Variants in ADIG observed in about 807,000 individuals in gnomAD.
The protein encoded by ADIG is adipogenesis associated.
In ADIG, 12 loss-of-function variants were observed where a neutral mutation model predicts 10.7. That is an observed-to-expected ratio of 1.12 (90% CI 0.72 to 1.82). The LOEUF is 1.82. ADIG is among the 40% of genes most tolerant of loss of function. ADIG has a pLI of 0.00. For synonymous variants in ADIG, 32 were observed against 35.6 expected (o/e 0.90, Z 0.36); for missense variants, 72 against 92.5 (o/e 0.78, Z 0.91).
chr20:38,585,720 C>CT lies in ADIG; in HGVS notation c.125-308dup, dbSNP rs2088630324. 1.6e-5 allele frequency: 10 copies of CT among 636,184 alleles called. No individual in the cohort carries two copies. In the South Asian group the frequency reaches 1.6e-4, roughly 10 times the overall value. The allele number at this position is 636,184 out of a possible 1,614,324, so 39.4% of individuals were successfully genotyped here. A position where few individuals can be genotyped will look rare whatever the true frequency, so the allele number is the denominator to read the frequency against. ...ACTAGTGGCCTGGATGGGTCAATAA[C>CT]TGTGTCTCTTCACTGCCTCTTCCTG... is the stretch of plus-strand genomic sequence containing the variant. On this transcript the variant is annotated intron_variant, in intron 1 of 2. Coordinates refer to ENST00000537425, the MANE Select transcript of ADIG (RefSeq NM_001393816.1).
At chr20:38,587,686 T>G (rs2088649222) in intron 2 of ADIG, among the ~76,000 whole-genome samples, 1 of 56,906 alleles carries the variant, frequency 1.8e-5, no homozygotes, top group Non-Finnish European at 4.0e-5. Context: ...CATTTATGCA[T>G]AGCCCTTCCC....
At chr20:38,581,600 C>T (rs566474419) in intron 1 of ADIG, among the ~76,000 whole-genome samples, 4 of 151,288 alleles carry the variant, frequency 2.6e-5, no homozygotes, top group East Asian at 1.9e-4. Context: ...ACCTAGAGTT[C>T]GAGAGTGAGT....
intron 2 of ADIG, among the ~76,000 whole-genome samples, chr20:38,586,962 G>A (rs777775396): frequency 2.0e-5 from 3 of 152,136 alleles, no homozygotes; most frequent in Non-Finnish European, 2.9e-5. Flanking sequence ...AGCCATTCCA[G>A]TGGGGTTAGA....
At chr20:38,582,296 C>G (rs2088596643) in intron 1 of ADIG, among the ~76,000 whole-genome samples, 1 of 152,120 alleles carries the variant, frequency 6.6e-6, no homozygotes, top group Non-Finnish European at 1.5e-5. Flanking sequence ...ACTGAGGAGG[C>G]TGAGGTGGGA....
intron 2 of ADIG, among the ~76,000 whole-genome samples, chr20:38,587,147 A>G (rs769113925): frequency 6.6e-6 from 1 of 152,054 alleles, no homozygotes; most frequent in Admixed American, 6.5e-5. Flanking sequence ...CTTCATCTCC[A>G]TGAATAGCAC....
intron 1 of ADIG, chr20:38,585,583 C>A (rs901897284): frequency 2.0e-5 from 30 of 1,508,080 alleles, no homozygotes; most frequent in Non-Finnish European, 2.6e-5. Flanking sequence ...GACGTGGACA[C>A]AGTTTCCAGG....
At chr20:38,582,053 G>C (rs1429498734) in intron 1 of ADIG, among the ~76,000 whole-genome samples, 1 of 152,140 alleles carries the variant, frequency 6.6e-6, no homozygotes, top group Non-Finnish European at 1.5e-5. Context: ...TGGCCTGGCT[G>C]TGTGGCAGGA....
chr20:38,585,393 A>G, intron 1 of ADIG: 2 of 1,548,044 alleles, frequency 1.3e-6, no homozygotes. Flanking sequence ...CAAAACAAAA[A>G]GATCCTACAT....
At chr20:38,587,038 A>G (rs138505809) in intron 2 of ADIG, among the ~76,000 whole-genome samples, 21 of 152,164 alleles carry the variant, frequency 1.4e-4, no homozygotes, top group Admixed American at 3.3e-4. Flanking sequence ...AAGCTTTATT[A>G]TCTGTCTGCT....
At chr20:38,585,377 G>T in intron 1 of ADIG, 4 of 1,540,440 alleles carry the variant, frequency 2.6e-6, no homozygotes, top group Non-Finnish European at 3.5e-6. Flanking sequence ...TGCAGCATTT[G>T]CTTTTCAAAA....
intron 1 of ADIG, among the ~76,000 whole-genome samples, chr20:38,583,100 G>A (rs112818969): frequency 0.027 from 4,177 of 152,322 alleles, 78 homozygotes; most frequent in Non-Finnish European, 0.042. Flanking sequence ...TTACAGGCAT[G>A]AGCCACCGCA....
chr20:38,581,424 G>A (rs757994729), intron 1 of ADIG, 50 bp downstream of exon 1: 1 of 1,611,806 alleles, frequency 6.2e-7, no homozygotes, highest in South Asian at 1.1e-5. Context: ...GAGCTAGGCA[G>A]GGGGCCAAAT....
Position 38,588,122 on chromosome 20 carries a change from A to G in ADIG, c.*36A>G. On this transcript the variant is annotated 3_prime_UTR_variant, in exon 3 of 3. Transcript: ENST00000537425. ...CTAGTTTGGTTTTCCTGGAGTCAGCAGGGCAGTGGCAATGGCAGAAGTGGA... is the reference window on the plus strand; with the variant it reads ...CTAGTTTGGTTTTCCTGGAGTCAGCGGGGCAGTGGCAATGGCAGAAGTGGA... 1 of 1,304,048 alleles carries G rather than the reference A, an allele frequency of 7.7e-7. No individual in the cohort carries two copies. The highest frequency in any genetic ancestry group is 1.0e-6 in the Non-Finnish European group (1 of 988,388). The allele number at this position is 1,304,048 out of a possible 1,614,324, so 80.8% of individuals were successfully genotyped here.
intron 1 of ADIG, among the ~76,000 whole-genome samples, chr20:38,584,381 T>C (rs2088616506): frequency 6.6e-6 from 1 of 152,158 alleles, no homozygotes; most frequent in South Asian, 2.1e-4. Context: ...GCATTTTCCT[T>C]TTGCGATTTG....
intron 1 of ADIG, 45 bp from the exon 2 acceptor site, chr20:38,585,984 G>T: frequency 6.5e-7 from 1 of 1,534,146 alleles, no homozygotes; most frequent in Non-Finnish European, 8.9e-7. Flanking sequence ...AGGGGTAGGA[G>T]ACAGGATGTG....
intron 2 of ADIG, among the ~76,000 whole-genome samples, chr20:38,586,932 T>C (rs1411140902): frequency 2.6e-5 from 4 of 152,090 alleles, no homozygotes; most frequent in Admixed American, 2.6e-4. Context: ...CTTGCACCCA[T>C]TGAATTCCTA....
At position 38,588,373 on chromosome 20, in the gene ADIG, G is replaced by C. The variant is rs1244309725; in HGVS notation, c.*287G>C. 1 of 1,292,920 alleles carries C rather than the reference G, an allele frequency of 7.7e-7. No homozygotes were observed. Among genetic ancestry groups the C allele is most frequent in the Non-Finnish European group, 1.0e-6 (1 of 983,160 alleles). The allele number at this position is 1,292,920 out of a possible 1,614,324, so 80.1% of individuals were successfully genotyped here. A position where few individuals can be genotyped will look rare whatever the true frequency, so the allele number is the denominator to read the frequency against. On this transcript the variant is annotated 3_prime_UTR_variant, in exon 3 of 3. Transcript: ENST00000537425. ...GAGAAATTGGCCAATTTAATTCAGA[G>C]GGGTCTTAAAGCAGGGCTGGGCCGG...
intron 1 of ADIG, chr20:38,585,508 G>A: frequency 6.4e-7 from 1 of 1,550,550 alleles, no homozygotes; most frequent in Non-Finnish European, 8.7e-7. Flanking sequence ...TCAGACGGAG[G>A]GTCCGGGTCT....
At chr20:38,587,304 C>T (rs995094608) in intron 2 of ADIG, among the ~76,000 whole-genome samples, 2 of 150,772 alleles carry the variant, frequency 1.3e-5, no homozygotes, top group Admixed American at 6.6e-5. Flanking sequence ...CACTAGCCCC[C>T]GACCCTGTCT....
Sources: allele counts gnomAD v4.1 joint callset (sites outside exome capture counted in the v4.1 genomes callset), GRCh38; gene constraint gnomAD v4.1.1; transcripts MANE v1.5; gene names NCBI Gene and HGNC (gene_info 2026-07-23, HGNC 2026-07-21).